Variants in GPC5 observed in about 807,000 individuals in gnomAD.
GPC5 encodes glypican 5.
A neutral mutation model predicts 53.9 loss-of-function variants in GPC5; 47 were observed. The ratio of observed to expected loss-of-function variants is 0.87; its 90% CI spans 0.69 to 1.11. The LOEUF is 1.11. GPC5 is among the 50% of genes most tolerant of loss of function. GPC5 has a pLI of 0.00. For missense variants in GPC5, 748 were observed against 713.1 expected, an observed-to-expected ratio of 1.05 and a Z score of -0.56; for synonymous variants, 286 against 263.3, an observed-to-expected ratio of 1.09 and a Z score of -0.84.
intron 6 of GPC5, among the ~76,000 whole-genome samples, chr13:92,079,389 C>A (rs2041277459): frequency 6.6e-6 from 1 of 152,186 alleles, no homozygotes; most frequent in Non-Finnish European, 1.5e-5. Context: ...ATCCACTCAT[C>A]ACCTAGTGCT....
At chr13:91,647,936 T>C (rs16946369) in intron 2 of GPC5, among the ~76,000 whole-genome samples, 10,284 of 152,264 alleles carry the variant, frequency 0.068, 598 homozygotes, top group East Asian at 0.27. Flanking sequence ...CTTAAGTAAA[T>C]TTGAGGCCAA....
intron 5 of GPC5, among the ~76,000 whole-genome samples, chr13:91,895,130 A>G (rs987960970): frequency 2.0e-5 from 3 of 151,834 alleles, no homozygotes; most frequent in Non-Finnish European, 2.9e-5. Context: ...AGGAAAGGCG[A>G]GCATGGAAGC....
At chr13:91,615,342 A>C (rs1274047480) in intron 2 of GPC5, among the ~76,000 whole-genome samples, 2 of 152,192 alleles carry the variant, frequency 1.3e-5, no homozygotes, top group African/African-American at 4.8e-5. Context: ...GAAGATAGGG[A>C]AAGGTATGCT....
chr13:92,736,591 TCC>T (rs1008343132), intron 7 of GPC5, among the ~76,000 whole-genome samples: 3 of 151,888 alleles, frequency 2.0e-5, no homozygotes, highest in African/African-American at 7.2e-5. Flanking sequence ...CCCTGAGCAC[TCC>T]CATAAAAGCA....
intron 7 of GPC5, among the ~76,000 whole-genome samples, chr13:92,396,533 A>T (rs570226356): frequency 5.3e-5 from 8 of 151,718 alleles, no homozygotes; most frequent in African/African-American, 1.4e-4. Context: ...TTTTTAAAAA[A>T]TTTTATTTTA....
intron 7 of GPC5, among the ~76,000 whole-genome samples, chr13:92,444,612 G>T (rs1389963864): frequency 6.7e-6 from 1 of 149,308 alleles, no homozygotes; most frequent in East Asian, 2.0e-4. Context: ...ATGCTTAATT[G>T]TGAAAAGAAG....
rs978778590 is a variant in GPC5, at chr13:91,806,458, G to A, written c.1280+50038G>A. Among the ~76,000 whole-genome samples the A allele has an allele frequency of 1.0e-4, 15 of 148,418 alleles. No homozygotes were observed. In the South Asian group the frequency reaches 1.7e-3, roughly 17 times the overall value. ...ATTTCTTTTTTTTTTTTACTTTAAC[G>A]CAATAAAAAACCATTCTTAAATGGG... is the stretch of plus-strand genomic sequence containing the variant. On this transcript the variant is annotated intron_variant, in intron 5 of 7. Transcript: ENST00000377067.
At chr13:91,909,108 A>G (rs966730297) in intron 6 of GPC5, among the ~76,000 whole-genome samples, 1 of 152,172 alleles carries the variant, frequency 6.6e-6, no homozygotes, top group Non-Finnish European at 1.5e-5. Context: ...CGAGGCAACA[A>G]TGCTTATTCT....
intron 2 of GPC5, among the ~76,000 whole-genome samples, chr13:91,579,092 A>G (rs1014275230): frequency 2.6e-5 from 4 of 152,190 alleles, no homozygotes; most frequent in Non-Finnish European, 5.9e-5. Context: ...ACTTTGGAAA[A>G]GAAAACAGAA....
chr13:92,824,844 T>G (rs976519015), intron 7 of GPC5, among the ~76,000 whole-genome samples: 1 of 151,906 alleles, frequency 6.6e-6, no homozygotes, highest in Non-Finnish European at 1.5e-5. Context: ...AAGAAAAAAA[T>G]AAATAAAATT....
At chr13:92,762,728 A>G (rs548130197) in intron 7 of GPC5, among the ~76,000 whole-genome samples, 56 of 152,182 alleles carry the variant, frequency 3.7e-4, no homozygotes, top group Non-Finnish European at 6.6e-4. Context: ...ACTTACTAGT[A>G]TTTCATAAGT....
At chr13:91,955,631 GGGAAAGCC>G (rs1435528120) in intron 6 of GPC5, among the ~76,000 whole-genome samples, 1 of 152,158 alleles carries the variant, frequency 6.6e-6, no homozygotes, top group Non-Finnish European at 1.5e-5. Context: ...TCCTAGCCAT[GGGAAAGCC>G]CCTCAACCCT....
chr13:91,458,212 G>C (rs1417879073), intron 2 of GPC5, among the ~76,000 whole-genome samples: 1 of 152,096 alleles, frequency 6.6e-6, no homozygotes, highest in Non-Finnish European at 1.5e-5. Flanking sequence ...TCAGCTGTCA[G>C]AGGAATAGCA....
At chr13:92,746,935 C>T (rs1302716109) in intron 7 of GPC5, among the ~76,000 whole-genome samples, 2 of 152,090 alleles carry the variant, frequency 1.3e-5, no homozygotes, top group Non-Finnish European at 2.9e-5. Context: ...ACCTATTGCA[C>T]ACTTAAGTAT....
In GPC5 at chr13:92,213,169, T is replaced by C. The variant is rs375046068; in HGVS notation, c.1561+68180T>C. On this transcript the variant is annotated intron_variant, in intron 7 of 7. Coordinates refer to ENST00000377067, the MANE Select transcript of GPC5 (RefSeq NM_004466.6). ...GATCAAATAGTTGATTTGATTGCCC[T>C]GAATAATAGATATGTCCTTTAGTTA... Among the ~76,000 whole-genome samples, 241 of 152,338 alleles carry C rather than the reference T, an allele frequency of 1.6e-3. 1 individual carries two copies. The highest frequency in any genetic ancestry group is 3.9e-3 in the Admixed American group (60 of 15,304).
chr13:92,461,747 A>C (rs9523675), intron 7 of GPC5, among the ~76,000 whole-genome samples: 5,042 of 152,242 alleles, frequency 0.033, 131 homozygotes, highest in Non-Finnish European at 0.047. Context: ...CAACTTACAA[A>C]CTAGGAAGAG....
intron 7 of GPC5, among the ~76,000 whole-genome samples, chr13:92,794,016 C>G (rs866814633): frequency 6.6e-6 from 1 of 152,064 alleles, no homozygotes; most frequent in Non-Finnish European, 1.5e-5. Context: ...AAGAAAGAAT[C>G]CTCCCTAACT....
chr13:92,417,747 C>T (rs772550455), intron 7 of GPC5, among the ~76,000 whole-genome samples: 47 of 152,008 alleles, frequency 3.1e-4, no homozygotes, highest in Admixed American at 5.2e-4. Context: ...AAAAATTAGC[C>T]TGATGTGGTG....
Position 91,677,645 on chromosome 13 carries a change from G to A in GPC5, c.326-15542G>A, listed in dbSNP as rs140432701. On this transcript the variant is annotated intron_variant, in intron 2 of 7. Transcript: ENST00000377067. ...GCCCTGCAAAATTGCAGCATTAAGG[G>A]ATTTTATTCTTATTTTAAAAATTCT... Among the ~76,000 whole-genome samples the A allele has an allele frequency of 3.9e-3, 599 of 152,126 alleles. 5 individuals are homozygous for A. The highest frequency in any genetic ancestry group is 0.013 in the African/African-American group (558 of 41,488).
Sources: allele counts gnomAD v4.1 joint callset (sites outside exome capture counted in the v4.1 genomes callset), GRCh38; gene constraint gnomAD v4.1.1; transcripts MANE v1.5; gene names NCBI Gene and HGNC (gene_info 2026-07-23, HGNC 2026-07-21).